Variants in MDM4 observed in about 807,000 individuals in gnomAD.
MDM4 encodes protein Mdm4.
A neutral mutation model predicts 60.2 loss-of-function variants in MDM4; 2 were observed. That is an observed-to-expected ratio of 0.03 (90% CI 0.01 to 0.10). The LOEUF is 0.10. MDM4 is among the 10% of genes least tolerant of loss of function. MDM4 has a pLI of 1.00. For missense variants in MDM4, 447 were observed against 577.5 expected, an observed-to-expected ratio of 0.77 and a Z score of 2.32; for synonymous variants, 202 against 198.1, an observed-to-expected ratio of 1.02 and a Z score of -0.17.
intron 5 of MDM4, among the ~76,000 whole-genome samples, chr1:204,536,112 TAGTC>T (rs1295430940): frequency 1.3e-5 from 2 of 151,960 alleles, no homozygotes; most frequent in African/African-American, 2.4e-5. Flanking sequence ...ATACAAAAAT[TAGTC>T]AGGCGTGCGC....
Position 204,530,630 on chromosome 1 carries a change from T to G in MDM4, c.154-54T>G, listed in dbSNP as rs968575636. On this transcript the variant is annotated intron_variant, in intron 3 of 10. Coordinates refer to ENST00000367182, the MANE Select transcript of MDM4 (RefSeq NM_002393.5). ...CTTACCTTACCTCCTCTAATGAATT[T>G]GTGTTTTTGGTAGCAGCTGGACAGA... 4 of 1,600,152 alleles carry G rather than the reference T, an allele frequency of 2.5e-6. No homozygotes were observed. The East Asian group carries it at 9.0e-5, about 36-fold the overall frequency.
rs1208851697 is a variant in MDM4, at chr1:204,551,972, G to T, written c.*2290G>T. 2 of 152,650 alleles carry T rather than the reference G, an allele frequency of 1.3e-5. No homozygotes were observed. Among genetic ancestry groups the T allele is most frequent in the Non-Finnish European group, 1.4e-5 (1 of 72,736 alleles). 9.5% of individuals were successfully genotyped at this position (152,650 alleles called of 1,614,324 possible). On this transcript the variant is annotated 3_prime_UTR_variant, in exon 11 of 11. Transcript: ENST00000367182. ...AAATACACTAACACTAACAATAGCT[G>T]ATGAGCTAAAAAAAAAAAAAAAAAA...
intron 9 of MDM4, among the ~76,000 whole-genome samples, chr1:204,546,544 C>T (rs892300620): frequency 1.3e-5 from 2 of 152,164 alleles, no homozygotes; most frequent in Non-Finnish European, 2.9e-5. Flanking sequence ...ATATGGGCAT[C>T]TTCTCTCTTC....
At chr1:204,548,346 T>C (rs1030179736) in intron 10 of MDM4, among the ~76,000 whole-genome samples, 9 of 152,246 alleles carry the variant, frequency 5.9e-5, no homozygotes, top group Non-Finnish European at 1.2e-4. Flanking sequence ...AATTGAGTTA[T>C]GACTTCTAGA....
chr1:204,547,199 A>G (rs913338996), intron 10 of MDM4, among the ~76,000 whole-genome samples: 2 of 152,312 alleles, frequency 1.3e-5, no homozygotes, highest in Non-Finnish European at 1.5e-5. Context: ...CCCTGACTCA[A>G]CACCTCTCTG....
chr1:204,530,450 G>T (rs1042529181), intron 3 of MDM4, among the ~76,000 whole-genome samples: 1 of 152,182 alleles, frequency 6.6e-6, no homozygotes, highest in Non-Finnish European at 1.5e-5. Flanking sequence ...TGTCAGATCA[G>T]TTCATTTCTG....
chr1:204,529,641 C>T, intron 3 of MDM4: 2 of 918,476 alleles, frequency 2.2e-6, no homozygotes, highest in Non-Finnish European at 1.6e-6. Flanking sequence ...GGAGGGGTTC[C>T]TGGCGCTTGC....
At chr1:204,527,053 G>T (rs1432760091) in intron 3 of MDM4, among the ~76,000 whole-genome samples, 3 of 151,774 alleles carry the variant, frequency 2.0e-5, no homozygotes, top group African/African-American at 7.3e-5. Context: ...CCAGTATTTT[G>T]GGAGGCTGAG....
chr1:204,528,925 G>A (rs1247357687), intron 3 of MDM4: 4 of 1,593,582 alleles, frequency 2.5e-6, no homozygotes, highest in Non-Finnish European at 3.4e-6. Context: ...TCCTTCTCCC[G>A]GAAGGCCTCT....
Position 204,521,893 on chromosome 1 carries a change from A to G in MDM4, c.-35-3591A>G, listed in dbSNP as rs188267698. 7.2e-3 allele frequency among the ~76,000 whole-genome samples: 1,100 copies of G among 152,286 alleles called. 7 individuals carry two copies. Among genetic ancestry groups the G allele is most frequent in the Middle Eastern group, 0.017 (5 of 294 alleles). ...ATATGTAGTGTTTTGGTTGGTAAAA[A>G]GGTTGGTAGGGAAAAATAAAGCAGG... On this transcript the variant is annotated intron_variant, in intron 1 of 10. Coordinates refer to ENST00000367182, the MANE Select transcript of MDM4 (RefSeq NM_002393.5).
rs976255781 is a variant in MDM4, at chr1:204,554,785, A to T, written c.*5103A>T. 1 of 226,348 alleles carries T rather than the reference A, an allele frequency of 4.4e-6. No individual in the cohort carries two copies. Among genetic ancestry groups the T allele is most frequent in the Non-Finnish European group, 8.8e-6 (1 of 113,892 alleles). 14.0% of individuals were successfully genotyped at this position (226,348 alleles called of 1,614,324 possible). A position where few individuals can be genotyped will look rare whatever the true frequency, so the allele number is the denominator to read the frequency against. On this transcript the variant is annotated 3_prime_UTR_variant, in exon 11 of 11. Transcript: ENST00000367182. ...GACAGAAATTTTCATTCTGCTTGCC[A>T]TTGCTATATTCTCCCTTTATAGGAG...
In MDM4 at chr1:204,549,833, A is replaced by G. The variant is rs1167169937; in HGVS notation, c.*151A>G. ...CTGTAAGAAAAATACTGGAGCTAAC[A>G]ATGAAGAACAGAAGTAATCTGATTA... is the stretch of plus-strand genomic sequence containing the variant. On this transcript the variant is annotated 3_prime_UTR_variant, in exon 11 of 11. Coordinates refer to ENST00000367182, the MANE Select transcript of MDM4 (RefSeq NM_002393.5). 5.4e-6 allele frequency: 3 copies of G among 555,336 alleles called. No individual in the cohort carries two copies. The highest frequency in any genetic ancestry group is 9.3e-6 in the Non-Finnish European group (3 of 322,376). 34.4% of individuals were successfully genotyped at this position (555,336 alleles called of 1,614,324 possible). A position where few individuals can be genotyped will look rare whatever the true frequency, so the allele number is the denominator to read the frequency against.
intron 5 of MDM4, chr1:204,532,572 AT>A: frequency 3.4e-6 from 2 of 581,924 alleles, no homozygotes; most frequent in Non-Finnish European, 6.0e-6. Context: ...CAAATTTAAC[AT>A]GTAATTCCAT....
intron 7 of MDM4, among the ~76,000 whole-genome samples, chr1:204,539,344 A>C (rs1661776179): frequency 6.6e-6 from 1 of 152,092 alleles, no homozygotes; most frequent in African/African-American, 2.4e-5. Context: ...TCACAAAGCC[A>C]AGAATGAGAT....
chr1:204,541,433 A>G (rs1040182286), intron 7 of MDM4, among the ~76,000 whole-genome samples: 10 of 152,140 alleles, frequency 6.6e-5, no homozygotes, highest in South Asian at 2.1e-4. Context: ...CAGTGAATCA[A>G]TATCATGTCA....
chr1:204,528,696 C>G, intron 3 of MDM4: 3 of 606,998 alleles, frequency 4.9e-6, no homozygotes, highest in Non-Finnish European at 8.8e-6. Context: ...GCAGGACTCT[C>G]AACCCTCTTT....
chr1:204,531,715 C>G (rs1473053986), intron 4 of MDM4, among the ~76,000 whole-genome samples: 1 of 152,068 alleles, frequency 6.6e-6, no homozygotes, highest in Admixed American at 6.6e-5. Flanking sequence ...GCCTATAATC[C>G]TAGCTAGTAG....
In MDM4 at chr1:204,523,791, G is replaced by T. The variant is rs578220054; in HGVS notation, c.-35-1693G>T. On this transcript the variant is annotated intron_variant, in intron 1 of 10. Transcript: ENST00000367182. ...AAGGCAATTTTACTTCTATGGAAGGGTGCATCTCACGGATGGAGCAATGGT... is the reference window on the plus strand; with the variant it reads ...AAGGCAATTTTACTTCTATGGAAGGTTGCATCTCACGGATGGAGCAATGGT... Among the ~76,000 whole-genome samples, 6 of 152,192 alleles carry T rather than the reference G, an allele frequency of 3.9e-5. No homozygotes were observed. The South Asian group carries it at 1.2e-3, about 32-fold the overall frequency.
chr1:204,528,252 G>A (rs990144838), intron 3 of MDM4, among the ~76,000 whole-genome samples: 3 of 152,144 alleles, frequency 2.0e-5, no homozygotes, highest in African/African-American at 4.8e-5. Flanking sequence ...TCCCAGCTGC[G>A]GAGGCAGTAG....
Sources: allele counts gnomAD v4.1 joint callset (sites outside exome capture counted in the v4.1 genomes callset), GRCh38; gene constraint gnomAD v4.1.1; transcripts MANE v1.5; gene names NCBI Gene and HGNC (gene_info 2026-07-23, HGNC 2026-07-21).